Variants in ENTREP2 observed in about 807,000 individuals in gnomAD.
ENTREP2 encodes the protein endosomal transmembrane epsin interactor 2.
the ENTREP2 span, among the ~76,000 whole-genome samples, chr15:29,207,416 C>G: frequency 6.8e-6 from 1 of 146,252 alleles, no homozygotes; most frequent in South Asian, 2.3e-4. Flanking sequence ...AACAGATCTT[C>G]CACCTCCTAC....
chr15:29,223,516 T>C, the ENTREP2 span, among the ~76,000 whole-genome samples: 2 of 152,198 alleles, frequency 1.3e-5, no homozygotes, highest in East Asian at 3.8e-4. Flanking sequence ...CAGACACACA[T>C]ACATGGGTTG....
chr15:29,266,659 T>A, the ENTREP2 span: 1 of 152,224 alleles, frequency 6.6e-6, no homozygotes, highest in African/African-American at 2.4e-5. Context: ...GTAACACCGC[T>A]TATATAAATC....
the ENTREP2 span, among the ~76,000 whole-genome samples, chr15:29,443,851 TC>T: frequency 6.6e-6 from 1 of 151,916 alleles, no homozygotes. Flanking sequence ...ACACCTGTAA[TC>T]CCAGCACTTT....
chr15:29,180,615 G>C, the ENTREP2 span, among the ~76,000 whole-genome samples: 1 of 152,048 alleles, frequency 6.6e-6, no homozygotes, highest in Non-Finnish European at 1.5e-5. Flanking sequence ...AGTGAGCCGA[G>C]ATCACGCCAC....
the ENTREP2 span, chr15:29,375,686 T>G: frequency 6.6e-6 from 1 of 152,066 alleles, no homozygotes; most frequent in African/African-American, 2.4e-5. Context: ...ACAGTTGGAA[T>G]TTCTGTGCTG....
the ENTREP2 span, among the ~76,000 whole-genome samples, chr15:29,671,157 G>T: frequency 2.6e-5 from 4 of 152,222 alleles, no homozygotes; most frequent in African/African-American, 9.7e-5. Flanking sequence ...TTCCAGGTTG[G>T]CAAACACAGC....
At chr15:29,508,334 G>A in the ENTREP2 span, among the ~76,000 whole-genome samples, 1 of 152,182 alleles carries the variant, frequency 6.6e-6, no homozygotes, top group African/African-American at 2.4e-5. Context: ...AGAGGAGCTG[G>A]TACTGTTCCT....
the ENTREP2 span, among the ~76,000 whole-genome samples, chr15:29,431,113 C>T: frequency 6.6e-6 from 1 of 152,088 alleles, no homozygotes; most frequent in Non-Finnish European, 1.5e-5. Context: ...CTGTTTAATC[C>T]TCACAAGGAC....
the ENTREP2 span, among the ~76,000 whole-genome samples, chr15:29,216,313 T>C: frequency 6.6e-6 from 1 of 152,188 alleles, no homozygotes; most frequent in Non-Finnish European, 1.5e-5. Context: ...TTTTAGCTTG[T>C]AGGGTTTCTG....
the ENTREP2 span, among the ~76,000 whole-genome samples, chr15:29,127,252 CATGT>C: frequency 1.3e-5 from 2 of 152,158 alleles, no homozygotes; most frequent in African/African-American, 2.4e-5. Context: ...GGTGTGCATG[CATGT>C]GACAGTGTGA....
chr15:29,512,194 A>G, the ENTREP2 span, among the ~76,000 whole-genome samples: 179 of 152,256 alleles, frequency 1.2e-3, no homozygotes, highest in African/African-American at 4.0e-3. Flanking sequence ...AAGAAGCCCT[A>G]GTTTGTTTAT....
the ENTREP2 span, among the ~76,000 whole-genome samples, chr15:29,491,290 C>T: frequency 1.3e-5 from 2 of 152,186 alleles, no homozygotes; most frequent in African/African-American, 4.8e-5. Flanking sequence ...GGAGCTGGCT[C>T]CTGCCTCGGC....
the ENTREP2 span, among the ~76,000 whole-genome samples, chr15:29,578,597 G>C: frequency 6.6e-6 from 1 of 152,186 alleles, no homozygotes; most frequent in African/African-American, 2.4e-5. Context: ...TTACTTCATA[G>C]GTTTTGTGAT....
chr15:29,154,135 T>C, the ENTREP2 span, among the ~76,000 whole-genome samples: 1 of 152,264 alleles, frequency 6.6e-6, no homozygotes, highest in Non-Finnish European at 1.5e-5. Context: ...AATTGATATC[T>C]TGGGACTTTG....
the ENTREP2 span, among the ~76,000 whole-genome samples, chr15:29,640,870 AAGAAG>A: frequency 9.2e-5 from 14 of 152,286 alleles, no homozygotes; most frequent in Non-Finnish European, 1.3e-4. Flanking sequence ...AAGATATCAC[AAGAAG>A]AGAAAACTAC....
the ENTREP2 span, among the ~76,000 whole-genome samples, chr15:29,345,511 C>T: frequency 6.6e-6 from 1 of 152,210 alleles, no homozygotes; most frequent in East Asian, 1.9e-4. Context: ...GCCCACCTGG[C>T]CCCCTGCACA....
chr15:29,202,313 A>T, the ENTREP2 span, among the ~76,000 whole-genome samples: 1 of 151,368 alleles, frequency 6.6e-6, no homozygotes, highest in Non-Finnish European at 1.5e-5. Context: ...CTTTGGGTTG[A>T]TTATGCTGCT....
chr15:29,511,701 A>C, the ENTREP2 span, among the ~76,000 whole-genome samples: 1 of 151,256 alleles, frequency 6.6e-6, no homozygotes, highest in Non-Finnish European at 1.5e-5. Context: ...CTGAATGATA[A>C]AAACTGACCT....
the ENTREP2 span, among the ~76,000 whole-genome samples, chr15:29,530,659 C>T: frequency 6.6e-6 from 1 of 152,238 alleles, no homozygotes; most frequent in Non-Finnish European, 1.5e-5. Flanking sequence ...GGTGGAGGTG[C>T]AAGCACCCAG....
Sources: gnomAD v4.1 joint callset for allele counts (sites outside exome capture counted in the v4.1 genomes callset) on GRCh38, gnomAD v4.1.1 for gene constraint, MANE v1.5 for transcripts, NCBI Gene and HGNC (gene_info 2026-07-23, HGNC 2026-07-21) for gene names.